EPHX4: variants seen among roughly 807,000 people sequenced by gnomAD.
The protein encoded by EPHX4 is epoxide hydrolase 4, also known as abhydrolase domain containing 7.
Under a neutral mutation model 44.9 loss-of-function variants are expected in EPHX4, and 31 were observed. That is an observed-to-expected ratio of 0.69 (90% CI 0.52 to 0.93). The LOEUF (loss-of-function observed/expected upper bound fraction) is 0.93, where lower values mean the gene tolerates loss of function less well. Ranked by LOEUF, EPHX4 falls within the 40% of genes least tolerant of loss-of-function variation. EPHX4 has a pLI of 0.00. For missense variants in EPHX4, 373 were observed against 438.1 expected (o/e 0.85, Z 1.33); for synonymous variants, 151 against 159.7 (o/e 0.95, Z 0.41).
At chr1:92,037,420 T>C (rs1050206246) in intron 2 of EPHX4, among the ~76,000 whole-genome samples, 16 of 152,268 alleles carry the variant, frequency 1.1e-4, no homozygotes, top group African/African-American at 2.9e-4. Flanking sequence ...AAGATACACA[T>C]CTACAGGACC....
chr1:92,052,930 G>A (rs1647292662), intron 6 of EPHX4, among the ~76,000 whole-genome samples: 1 of 152,064 alleles, frequency 6.6e-6, no homozygotes, highest in Non-Finnish European at 1.5e-5. Context: ...TGGAATAGAT[G>A]TATATTTTTA....
chr1:92,058,927 A>G (rs1355089922), intron 6 of EPHX4, among the ~76,000 whole-genome samples: 1 of 152,116 alleles, frequency 6.6e-6, no homozygotes, highest in Non-Finnish European at 1.5e-5. Flanking sequence ...AGAGTAATAT[A>G]TTATCTCCTG....
chr1:92,057,088 A>G (rs1647385477), intron 6 of EPHX4, among the ~76,000 whole-genome samples: 1 of 152,146 alleles, frequency 6.6e-6, no homozygotes, highest in African/African-American at 2.4e-5. Context: ...TTAGAAAAGA[A>G]GATTGAAAAT....
intron 4 of EPHX4, among the ~76,000 whole-genome samples, chr1:92,049,956 G>A (rs747736191): frequency 2.6e-5 from 4 of 151,922 alleles, no homozygotes; most frequent in Non-Finnish European, 5.9e-5. Context: ...AAAATTAGCC[G>A]GGCTCGGTGG....
rs552727102 is a variant in EPHX4 at position 92,034,320 on chromosome 1, A to T, written c.317+1730A>T. On this transcript the variant is annotated intron_variant, in intron 2 of 6. Transcript: ENST00000370383. ...GTCTCAAAAAAAAAAAAAAAAAAAAAGGGTGGTACATATCATGGCAGTAAA... is the reference window on the plus strand; with the variant it reads ...GTCTCAAAAAAAAAAAAAAAAAAAATGGGTGGTACATATCATGGCAGTAAA... 3.2e-3 allele frequency among the ~76,000 whole-genome samples: 470 copies of T among 147,276 alleles called. 2 individuals are homozygous for T. Among genetic ancestry groups the T allele is most frequent in the South Asian group, 9.1e-3 (42 of 4,638 alleles).
chr1:92,044,948 A>AC (rs929546369), intron 3 of EPHX4, among the ~76,000 whole-genome samples: 19 of 151,068 alleles, frequency 1.3e-4, no homozygotes, highest in East Asian at 9.7e-4. Flanking sequence ...TTTCTTTTGT[A>AC]CCCCCCCACA....
At chr1:92,050,928 G>C (rs866489787) in intron 5 of EPHX4, among the ~76,000 whole-genome samples, 3 of 152,094 alleles carry the variant, frequency 2.0e-5, no homozygotes, top group Admixed American at 1.3e-4. Context: ...AACCTCCCAG[G>C]CTCAAGCAAT....
At chr1:92,036,658 A>G (rs985439970) in intron 2 of EPHX4, among the ~76,000 whole-genome samples, 2 of 152,232 alleles carry the variant, frequency 1.3e-5, no homozygotes, top group African/African-American at 2.4e-5. Context: ...TTGTTACTCC[A>G]GAAAGAACAT....
At position 92,045,588 on chromosome 1, in the gene EPHX4, A is replaced by T. The variant is rs1202595259; in HGVS notation, c.532A>T (p.Ile178Phe). 1 of 1,613,882 alleles carries T rather than the reference A, an allele frequency of 6.2e-7. No individual in the cohort carries two copies. Among genetic ancestry groups the T allele is most frequent in the Non-Finnish European group, 8.5e-7 (1 of 1,179,952 alleles). Residue 178 changes from isoleucine (I) to phenylalanine (F), a missense_variant, in exon 4 of 7, where the codon ATT (isoleucine) becomes TTT (phenylalanine). Coordinates refer to ENST00000370383, the MANE Select transcript of EPHX4 (RefSeq NM_173567.5). Reference sequence around the variant, plus strand: ...CTGGGGGGGCATGATTGCTTGGCTAATTGCCATCTGTTATCCTGAAATGGT... The same window carrying T: ...CTGGGGGGGCATGATTGCTTGGCTATTTGCCATCTGTTATCCTGAAATGGT... ...HDWGGMIAWL[I>F]AICYPEMVMK...
At chr1:92,046,675 G>A (rs1392348290) in intron 4 of EPHX4, among the ~76,000 whole-genome samples, 1 of 152,076 alleles carries the variant, frequency 6.6e-6, no homozygotes, top group Admixed American at 6.6e-5. Context: ...TGCTGGTCAG[G>A]CTGGTCTCAA....
chr1:92,040,508 A>G (rs935008975), intron 2 of EPHX4, among the ~76,000 whole-genome samples: 1 of 152,072 alleles, frequency 6.6e-6, no homozygotes, highest in Non-Finnish European at 1.5e-5. Context: ...TATTTTTAGT[A>G]GAAACGGGGT....
At chr1:92,032,989 C>A (rs973519519) in intron 2 of EPHX4, among the ~76,000 whole-genome samples, 2 of 152,132 alleles carry the variant, frequency 1.3e-5, no homozygotes, top group Non-Finnish European at 2.9e-5. Context: ...ATGATCACAG[C>A]TCACTGCAGC....
chr1:92,044,868 C>T (rs1688561683), intron 3 of EPHX4, among the ~76,000 whole-genome samples: 1 of 152,126 alleles, frequency 6.6e-6, no homozygotes, highest in African/African-American at 2.4e-5. Flanking sequence ...GCAGTCTTTA[C>T]CATGGTTTCC....
rs781751231 is a variant in EPHX4, at chr1:92,042,895, T to C, written c.390T>C (p.Tyr130=). The change falls in exon 3 of 7, where the codon TAT becomes TAC. Residue 130 remains tyrosine, a synonymous_variant. Coordinates refer to ENST00000370383, the MANE Select transcript of EPHX4 (RefSeq NM_173567.5). ...YRVVALDLRG[Y]GETDAPIHRQ... ...TTGTAGCACTGGATTTGAGAGGTTA[T>C]GGAGAAACAGATGCTCCCATTCATC... The C allele has an allele frequency of 8.7e-6, 14 of 1,613,484 alleles. No individual in the cohort carries two copies. The Admixed American group carries it at 1.5e-4, about 17-fold the overall frequency.
intron 3 of EPHX4, among the ~76,000 whole-genome samples, chr1:92,044,413 C>CGT (rs1189652272): frequency 2.0e-5 from 3 of 152,050 alleles, no homozygotes; most frequent in Non-Finnish European, 2.9e-5. Flanking sequence ...TTTATGTCTA[C>CGT]GTGTGTGTAT....
At chr1:92,055,872 G>A (rs190946491) in intron 6 of EPHX4, among the ~76,000 whole-genome samples, 18 of 152,196 alleles carry the variant, frequency 1.2e-4, no homozygotes, top group African/African-American at 4.3e-4. Flanking sequence ...TACGTTGTAA[G>A]TATCTATAAG....
chr1:92,054,768 A>C lies in EPHX4; in HGVS notation c.857+2110A>C, dbSNP rs574030695. ...ATAAGGTAATATCAAGACAGGCTGGAAAGAGCTGAAAAAGAACTTCTAGAA... is the reference window on the plus strand; with the variant it reads ...ATAAGGTAATATCAAGACAGGCTGGCAAGAGCTGAAAAAGAACTTCTAGAA... On this transcript the variant is annotated intron_variant, in intron 6 of 6. Coordinates refer to ENST00000370383, the MANE Select transcript of EPHX4 (RefSeq NM_173567.5). Among the ~76,000 whole-genome samples, 3 of 152,186 alleles carry C rather than the reference A, an allele frequency of 2.0e-5. No homozygotes were observed. The South Asian group carries it at 6.2e-4, about 32-fold the overall frequency.
chr1:92,056,793 T>C (rs12096979), intron 6 of EPHX4, among the ~76,000 whole-genome samples: 3,964 of 152,162 alleles, frequency 0.026, 186 homozygotes, highest in African/African-American at 0.091. Flanking sequence ...TTCAAACATG[T>C]AAAGAATATT....
intron 2 of EPHX4, 24 bp from the exon 3 acceptor site, chr1:92,042,799 T>G: frequency 6.3e-7 from 1 of 1,597,102 alleles, no homozygotes; most frequent in Non-Finnish European, 8.5e-7. Context: ...TATGATATTT[T>G]AAATGCTTCC....
Sources: allele counts gnomAD v4.1 joint callset (sites outside exome capture counted in the v4.1 genomes callset), GRCh38; gene constraint gnomAD v4.1.1; transcripts MANE v1.5; gene names NCBI Gene and HGNC (gene_info 2026-07-23, HGNC 2026-07-21).